Variants in HAAO observed in about 807,000 individuals in gnomAD.
HAAO encodes 3-hydroxyanthranilate oxygenase.
A neutral mutation model predicts 46.2 loss-of-function variants in HAAO; 49 were observed. The observed-to-expected ratio is 1.06, with a 90% CI of 0.84 to 1.34. The LOEUF is 1.34. Ranked by LOEUF, HAAO falls within the 40% of genes most tolerant of loss-of-function variation. HAAO has a pLI of 0.00. For missense variants in HAAO, 408 were observed against 364.5 expected, an observed-to-expected ratio of 1.12 and a Z score of -0.97; for synonymous variants, 157 against 145.2, an observed-to-expected ratio of 1.08 and a Z score of -0.58.
At chr2:42,784,766 C>G (rs1250312180) in intron 2 of HAAO, among the ~76,000 whole-genome samples, 1 of 152,220 alleles carries the variant, frequency 6.6e-6, no homozygotes, top group Non-Finnish European at 1.5e-5. Context: ...AGATGTGGCT[C>G]TGCAGTCTGC....
intron 4 of HAAO, among the ~76,000 whole-genome samples, chr2:42,776,216 T>A (rs1671563511): frequency 6.6e-6 from 1 of 150,726 alleles, no homozygotes; most frequent in African/African-American, 2.4e-5. Context: ...ATTTTATGTT[T>A]GACTTGGCAT....
At chr2:42,771,245 A>C (rs1671090507) in intron 4 of HAAO, among the ~76,000 whole-genome samples, 1 of 151,726 alleles carries the variant, frequency 6.6e-6, no homozygotes, top group Admixed American at 6.6e-5. Context: ...ATAAATACAA[A>C]AAATAGCCAG....
Position 42,767,456 on chromosome 2 carries a change from C to A in HAAO, c.842G>T (p.Cys281Phe). 6.2e-7 allele frequency: 1 copy of A among 1,612,914 alleles called. No homozygotes were observed. Among genetic ancestry groups the A allele is most frequent in the Non-Finnish European group, 8.5e-7 (1 of 1,179,490 alleles). The change falls in exon 10 of 10, where the codon TGC becomes TTC. Residue 281 changes from cysteine to phenylalanine, a missense_variant. Transcript: ENST00000294973. ...VALSVTQDPA[C>F]KKPLG ...AGAGGGTCACCCCAGGGGCTTCTTGCAGGCAGGGTCCTGGGTCACAGACAG... is the reference window on the plus strand; with the variant it reads ...AGAGGGTCACCCCAGGGGCTTCTTGAAGGCAGGGTCCTGGGTCACAGACAG...
chr2:42,777,300 T>G (rs1343397248), intron 4 of HAAO, among the ~76,000 whole-genome samples: 1 of 79,100 alleles, frequency 1.3e-5, no homozygotes, highest in Non-Finnish European at 2.1e-5. Flanking sequence ...AAGACTCTTA[T>G]CGCAAAAAAA....
In HAAO at chr2:42,770,618, C is replaced by T. The variant is rs1454221025; in HGVS notation, c.351-36G>A. 1.9e-5 allele frequency: 27 copies of T among 1,436,654 alleles called. No individual in the cohort carries two copies. In the East Asian group the frequency reaches 5.7e-4, roughly 30 times the overall value. The allele number at this position is 1,436,654 out of a possible 1,614,324, so 89.0% of individuals were successfully genotyped here. Reference sequence around the variant, plus strand: ...AGAGGACAGGCAACCCTGCTGTCCCCATCTGGGTGGCTTCAGGGCAGCCCC... The same window carrying T: ...AGAGGACAGGCAACCCTGCTGTCCCTATCTGGGTGGCTTCAGGGCAGCCCC... On this transcript the variant is annotated intron_variant, in intron 4 of 9. Transcript: ENST00000294973.
chr2:42,783,219 C>T, intron 4 of HAAO, 95 bp downstream of exon 4: 1 of 737,510 alleles, frequency 1.4e-6, no homozygotes, highest in Non-Finnish European at 2.3e-6. Context: ...GACGTGCTTT[C>T]TTGAGTCTAT....
intron 4 of HAAO, among the ~76,000 whole-genome samples, 184 bp from the exon 5 acceptor site, chr2:42,770,766 CCT>C (rs1475148100): frequency 6.6e-6 from 1 of 152,138 alleles, no homozygotes; most frequent in African/African-American, 2.4e-5. Flanking sequence ...ACGTGCGCCC[CCT>C]GAGAGGGCTA....
rs1261692732 is a variant in HAAO, at chr2:42,770,020, T to C, written c.484+123A>G. ...TGGGAGGTACCATTGGCTGCCATCT[T>C]CTTAGTACCTTGAGGACTGGGCAGA... On this transcript the variant is annotated intron_variant, in intron 6 of 9. Coordinates refer to ENST00000294973, the MANE Select transcript of HAAO (RefSeq NM_012205.3). The C allele has an allele frequency of 2.7e-6, 3 of 1,120,186 alleles. No individual in the cohort carries two copies. In the African/African-American group the frequency reaches 4.7e-5, roughly 17 times the overall value. The allele number at this position is 1,120,186 out of a possible 1,614,324, so 69.4% of individuals were successfully genotyped here. A position where few individuals can be genotyped will look rare whatever the true frequency, so the allele number is the denominator to read the frequency against.
chr2:42,767,568 C>T lies in HAAO; in HGVS notation c.782+27G>A, dbSNP rs1250882261. 1.9e-6 allele frequency: 3 copies of T among 1,587,452 alleles called. No homozygotes were observed. The South Asian group carries it at 3.4e-5, about 18-fold the overall frequency. On this transcript the variant is annotated intron_variant, in intron 9 of 9. Coordinates refer to ENST00000294973, the MANE Select transcript of HAAO (RefSeq NM_012205.3). Reference sequence around the variant, plus strand: ...ACACAGAGTTGGACCCTGAGGATCCCAGGGAAAGCCCTCCCTGCGTACTCA... The same window carrying T: ...ACACAGAGTTGGACCCTGAGGATCCTAGGGAAAGCCCTCCCTGCGTACTCA...
intron 1 of HAAO, 139 bp from the exon 2 acceptor site, chr2:42,788,746 C>T (rs1309612873): frequency 1.5e-6 from 1 of 680,936 alleles, no homozygotes; most frequent in African/African-American, 1.8e-5. Context: ...GTCCCTGTTC[C>T]CCAACTCTCA....
intron 2 of HAAO, among the ~76,000 whole-genome samples, chr2:42,785,570 T>TA (rs199566967): frequency 6.5e-4 from 98 of 151,584 alleles, no homozygotes; most frequent in Admixed American, 3.4e-3. Flanking sequence ...CTTTCCTTAT[T>TA]AAAAAAAAAC....
chr2:42,790,397 G>A (rs1672700785), intron 1 of HAAO, among the ~76,000 whole-genome samples: 1 of 151,982 alleles, frequency 6.6e-6, no homozygotes, highest in Non-Finnish European at 1.5e-5. Context: ...GCACAGGAGA[G>A]CTGGGTGCAG....
intron 4 of HAAO, among the ~76,000 whole-genome samples, chr2:42,782,509 A>G (rs1351081615): frequency 6.6e-6 from 1 of 152,180 alleles, no homozygotes; most frequent in Non-Finnish European, 1.5e-5. Context: ...GGGACCAGAG[A>G]CTCAATTTCT....
At chr2:42,772,015 T>C (rs1671165094) in intron 4 of HAAO, among the ~76,000 whole-genome samples, 1 of 152,182 alleles carries the variant, frequency 6.6e-6, no homozygotes, top group Non-Finnish European at 1.5e-5. Flanking sequence ...TGTTATTGAA[T>C]TTGCTGTAAA....
chr2:42,767,187 T>C lies in HAAO; in HGVS notation c.*250A>G, dbSNP rs529729212. 69 of 584,650 alleles carry C rather than the reference T, an allele frequency of 1.2e-4. 1 individual carries two copies. In the South Asian group the frequency reaches 1.4e-3, roughly 12 times the overall value. 36.2% of individuals were successfully genotyped at this position (584,650 alleles called of 1,614,324 possible). ...GAATGGGCAGGAGCGGGGCCGGGGG[T>C]AGACCACCTGGCAAGACTGGCAAGG... is the stretch of plus-strand genomic sequence containing the variant. On this transcript the variant is annotated 3_prime_UTR_variant, in exon 10 of 10. Coordinates refer to ENST00000294973, the MANE Select transcript of HAAO (RefSeq NM_012205.3).
Position 42,767,353 on chromosome 2 carries a change from T to TG in HAAO, c.*83dup. 1 of 892,872 alleles carries TG rather than the reference T, an allele frequency of 1.1e-6. No individual in the cohort carries two copies. 55.3% of individuals were successfully genotyped at this position (892,872 alleles called of 1,614,324 possible). A position where few individuals can be genotyped will look rare whatever the true frequency, so the allele number is the denominator to read the frequency against. Reference sequence around the variant, plus strand: ...ACAGCGGCAGTACACAGAGAGGTAGTGGGGGCTGGGAGAGTTGTTTGGCAG... The same window carrying TG: ...ACAGCGGCAGTACACAGAGAGGTAGTGGGGGGCTGGGAGAGTTGTTTGGCAG... On this transcript the variant is annotated 3_prime_UTR_variant, in exon 10 of 10. Transcript: ENST00000294973.
At chr2:42,781,026 G>A (rs1013389157) in intron 4 of HAAO, among the ~76,000 whole-genome samples, 17 of 151,928 alleles carry the variant, frequency 1.1e-4, no homozygotes, top group Admixed American at 2.0e-4. Flanking sequence ...GCAGTGAGCC[G>A]AGATCATGCC....
chr2:42,770,307 C>T, intron 5 of HAAO, 121 bp from the exon 6 acceptor site: 2 of 921,940 alleles, frequency 2.2e-6, no homozygotes, highest in Non-Finnish European at 3.4e-6. Context: ...ATGGGGCTCT[C>T]ACACAGCTGT....
intron 4 of HAAO, among the ~76,000 whole-genome samples, chr2:42,776,083 C>A (rs2104649555): frequency 6.6e-6 from 1 of 151,926 alleles, no homozygotes; most frequent in East Asian, 1.9e-4. Flanking sequence ...ATAATTCTCC[C>A]TTTTTGGAGA....
Sources: allele counts gnomAD v4.1 joint callset (sites outside exome capture counted in the v4.1 genomes callset), GRCh38; gene constraint gnomAD v4.1.1; transcripts MANE v1.5; gene names NCBI Gene and HGNC (gene_info 2026-07-23, HGNC 2026-07-21).